ZNF625: variants seen among roughly 807,000 people sequenced by gnomAD.
ZNF625 encodes the protein zinc finger protein 625.
A neutral mutation model predicts 11.1 loss-of-function variants in ZNF625; 8 were observed. The observed-to-expected ratio is 0.72, with a 90% CI of 0.42 to 1.30. The LOEUF (loss-of-function observed/expected upper bound fraction) is 1.30, where lower values mean the gene tolerates loss of function less well. Among genes scored for constraint, ZNF625 ranks in the 50% most tolerant of loss-of-function variants. The pLI, the probability that ZNF625 is intolerant of heterozygous loss-of-function variation, is 0.01. For synonymous variants in ZNF625, 145 were observed against 153.4 expected (o/e 0.95, Z 0.41); for missense variants, 349 against 447.6 (o/e 0.78, Z 1.99).
At chr19:12,147,507 A>G in intron 2 of ZNF625, 52 bp from the exon 3 acceptor site, 1 of 1,505,666 alleles carries the variant, frequency 6.6e-7, no homozygotes. Flanking sequence ...TTATGAAAAA[A>G]GTACTAGATT....
Position 12,145,651 on chromosome 19 carries a change from T to A in ZNF625, c.765A>T (p.Ala255=), listed in dbSNP as rs1306318885. The part of the protein sequence containing the change: ...KPYECSECGK[A]FHSSTCLHAH... ...CATGGAGGCATGTGGAACTATGGAA[T>A]GCTTTCCCACACTCACTGCATTCAT... Residue 255 remains alanine (A), a synonymous_variant, in exon 4 of 4, where the codon GCA becomes GCT. Coordinates refer to ENST00000439556, the MANE Select transcript of ZNF625 (RefSeq NM_145233.4). The A allele has an allele frequency of 5.6e-6, 9 of 1,613,502 alleles. No individual in the cohort carries two copies. The highest frequency in any genetic ancestry group is 7.6e-6 in the Non-Finnish European group (9 of 1,179,864).
chr19:12,146,409 T>C (rs1407753321), intron 3 of ZNF625, among the ~76,000 whole-genome samples, 185 bp from the exon 4 acceptor site: 1 of 107,630 alleles, frequency 9.3e-6, no homozygotes, highest in Non-Finnish European at 1.9e-5. Context: ...TCAAGAAAGA[T>C]AATATTGATA....
chr19:12,145,737 C>G lies in ZNF625; in HGVS notation c.679G>C (p.Ala227Pro). ...KPYECKQCGK[A>P]FSHSGSLRIH... ...CGAAGGCTACCAGAATGACTAAAGG[C>G]TTTACCACACTGTTTACATTCATAT... The change falls in exon 4 of 4, where the codon GCC (alanine) becomes CCC (proline). Residue 227 changes from alanine (A) to proline (P), a missense_variant. Ala to Pro is a conservative substitution (Grantham distance 27, BLOSUM62 -1). Transcript: ENST00000439556. 1 of 1,614,198 alleles carries G rather than the reference C, an allele frequency of 6.2e-7. No individual in the cohort carries two copies. Among genetic ancestry groups the G allele is most frequent in the East Asian group, 2.2e-5 (1 of 44,882 alleles).
chr19:12,149,628 A>G (rs1357863373), intron 1 of ZNF625, among the ~76,000 whole-genome samples: 1 of 152,134 alleles, frequency 6.6e-6, no homozygotes, highest in Non-Finnish European at 1.5e-5. Flanking sequence ...CCAAGTAAAA[A>G]CCTAATTGAT....
At chr19:12,152,608 C>T (rs938679545) in intron 1 of ZNF625, among the ~76,000 whole-genome samples, 2 of 152,214 alleles carry the variant, frequency 1.3e-5, no homozygotes, top group South Asian at 4.2e-4. Context: ...TTTGGGATGC[C>T]AAGGCGGGAG....
chr19:12,146,557 C>T (rs1976876600), intron 3 of ZNF625, among the ~76,000 whole-genome samples: 1 of 152,106 alleles, frequency 6.6e-6, no homozygotes, highest in South Asian at 2.1e-4. Context: ...CTTCAGCCTC[C>T]TGATTACCTG....
chr19:12,153,613 G>A (rs1236743994), intron 1 of ZNF625, among the ~76,000 whole-genome samples: 12 of 150,540 alleles, frequency 8.0e-5, no homozygotes, highest in Admixed American at 5.3e-4. Flanking sequence ...GAACCTGGGA[G>A]GGGGAGGTCG....
intron 1 of ZNF625, among the ~76,000 whole-genome samples, chr19:12,149,692 CAAGT>C (rs911557806): frequency 4.6e-5 from 7 of 151,132 alleles, no homozygotes; most frequent in Non-Finnish European, 5.9e-5. Flanking sequence ...ATACAAGTGA[CAAGT>C]AAGCACGTGA....
At chr19:12,153,077 G>A (rs1468715885) in intron 1 of ZNF625, among the ~76,000 whole-genome samples, 1 of 152,110 alleles carries the variant, frequency 6.6e-6, no homozygotes, top group Non-Finnish European at 1.5e-5. Flanking sequence ...GCCTAGGCGG[G>A]ACGCGGTGGC....
At chr19:12,147,169 A>G (rs1458623137) in intron 3 of ZNF625, among the ~76,000 whole-genome samples, 1 of 151,814 alleles carries the variant, frequency 6.6e-6, no homozygotes, top group Non-Finnish European at 1.5e-5. Flanking sequence ...GGGTTTCACC[A>G]TGTTAGCCAG....
intron 3 of ZNF625, among the ~76,000 whole-genome samples, chr19:12,146,722 G>T (rs1481659846): frequency 2.0e-5 from 3 of 152,106 alleles, no homozygotes; most frequent in African/African-American, 7.2e-5. Context: ...ATACACCTGG[G>T]CGCCCGGCCA....
chr19:12,154,707 A>G (rs1977003345), intron 1 of ZNF625, among the ~76,000 whole-genome samples: 1 of 152,228 alleles, frequency 6.6e-6, no homozygotes, highest in South Asian at 2.1e-4. Context: ...AATGCACCAT[A>G]TAAAAGCCTA....
chr19:12,146,320 G>A, intron 3 of ZNF625, 96 bp from the exon 4 acceptor site: 1 of 1,169,338 alleles, frequency 8.6e-7, no homozygotes. Flanking sequence ...ACACTGTACA[G>A]CAATGTGTAG....
rs1976866495 is a variant in ZNF625 at position 12,146,026 on chromosome 19, A to G, written c.390T>C (p.Tyr130=). 3.7e-6 allele frequency: 6 copies of G among 1,614,174 alleles called. No homozygotes were observed. The East Asian group carries it at 1.1e-4, about 30-fold the overall frequency. ...TGHKPYEYQE[Y]GQKPYKCTYC... ...ATGTACATTTATATGGCTTCTGTCC[A>G]TATTCCTGATACTCATATGGCTTGT... The change falls in exon 4 of 4, where the codon TAT becomes TAC. Residue 130 remains tyrosine, a synonymous_variant. Coordinates refer to ENST00000439556, the MANE Select transcript of ZNF625 (RefSeq NM_145233.4).
chr19:12,145,480 GAAGGCTTTCCCACATTGCTT>G lies in ZNF625; in HGVS notation c.916_935del (p.Lys306GlnfsTer20). On this transcript the variant is annotated frameshift_variant, in exon 4 of 4. Transcript: ENST00000439556. LOFTEE classifies it low-confidence loss of function (END_TRUNC). ...GTGTTCGAAGGTGCGAGGCAGATCT[GAAGGCTTTCCCACATTGCTT>G]ACATTCATAGGGCTTCTCTCCAGTG... 1 of 1,613,868 alleles carries G rather than the reference GAAGGCTTTCCCACATTGCTT, an allele frequency of 6.2e-7. No homozygotes were observed. Among genetic ancestry groups the G allele is most frequent in the Non-Finnish European group, 8.5e-7 (1 of 1,179,974 alleles).
chr19:12,151,292 G>C (rs60209241), intron 1 of ZNF625, among the ~76,000 whole-genome samples: 1 of 148,362 alleles, frequency 6.7e-6, no homozygotes, highest in Admixed American at 6.8e-5. Flanking sequence ...GCTCACTGCA[G>C]ACTCAACCTC....
At position 12,145,080 on chromosome 19, in the gene ZNF625, G is replaced by C. The variant is rs763659539; in HGVS notation, c.*217C>G. Reference sequence around the variant, plus strand: ...TACTGGAGGTGTGTCTCTCTTAAGAGTTATTTCCAACTCTGTGTCCTAGGT... The same window carrying C: ...TACTGGAGGTGTGTCTCTCTTAAGACTTATTTCCAACTCTGTGTCCTAGGT... On this transcript the variant is annotated 3_prime_UTR_variant, in exon 4 of 4. Coordinates refer to ENST00000439556, the MANE Select transcript of ZNF625 (RefSeq NM_145233.4). The C allele has an allele frequency of 1.2e-5, 7 of 586,972 alleles. No individual in the cohort carries two copies. Among genetic ancestry groups the C allele is most frequent in the Non-Finnish European group, 2.1e-5 (7 of 331,434 alleles). 36.4% of individuals were successfully genotyped at this position (586,972 alleles called of 1,614,324 possible).
intron 1 of ZNF625, among the ~76,000 whole-genome samples, chr19:12,148,620 A>G (rs1599441302): frequency 7.2e-6 from 1 of 139,632 alleles, no homozygotes; most frequent in Non-Finnish European, 1.5e-5. Flanking sequence ...TAATATAACT[A>G]CCATTTTTTT....
chr19:12,147,923 T>G, intron 1 of ZNF625, 121 bp from the exon 2 acceptor site: 1 of 1,247,860 alleles, frequency 8.0e-7, no homozygotes, highest in Non-Finnish European at 1.1e-6. Flanking sequence ...CATGATCTGG[T>G]CATCAGACTT....
Sources: allele counts gnomAD v4.1 joint callset (sites outside exome capture counted in the v4.1 genomes callset), GRCh38; gene constraint gnomAD v4.1.1; transcripts MANE v1.5; gene names NCBI Gene and HGNC (gene_info 2026-07-23, HGNC 2026-07-21).